Variants in ATXN10 observed in about 807,000 individuals in gnomAD.
ATXN10 encodes ataxin 10, also known as ataxin-10.
In ATXN10, 28 loss-of-function variants were observed where a neutral mutation model predicts 52.9. That is an observed-to-expected ratio of 0.53 (90% CI 0.39 to 0.73). ATXN10 has a LOEUF of 0.73. ATXN10 is among the 30% of genes least tolerant of loss of function. The pLI is 0.00. For missense variants in ATXN10, 565 were observed against 577.0 expected, an observed-to-expected ratio of 0.98 and a Z score of 0.21; for synonymous variants, 226 against 221.5, an observed-to-expected ratio of 1.02 and a Z score of -0.18.
At chr22:45,713,052 T>C (rs1325327814) in intron 5 of ATXN10, among the ~76,000 whole-genome samples, 1 of 152,126 alleles carries the variant, frequency 6.6e-6, no homozygotes, top group African/African-American at 2.4e-5. Flanking sequence ...ATTGTATGCA[T>C]GTATGGATAT....
intron 6 of ATXN10, among the ~76,000 whole-genome samples, chr22:45,719,865 A>G (rs558975221): frequency 4.6e-5 from 7 of 152,272 alleles, no homozygotes; most frequent in African/African-American, 1.4e-4. Flanking sequence ...GTTGTGTCAC[A>G]TACCTGCTTG....
chr22:45,771,185 A>G (rs1926763903), intron 9 of ATXN10, among the ~76,000 whole-genome samples: 1 of 152,242 alleles, frequency 6.6e-6, no homozygotes, highest in African/African-American at 2.4e-5. Flanking sequence ...CCAAAAGCTG[A>G]AAACAACCCA....
At position 45,789,364 on chromosome 22, in the gene ATXN10, A is replaced by G. The variant is rs147730059; in HGVS notation, c.1174-17595A>G. On this transcript the variant is annotated intron_variant, in intron 9 of 11. Transcript: ENST00000252934. The surrounding 1 kb of genome is among the most constrained non-coding windows in gnomAD (Gnocchi z 4.0). ...AGGTGAGCTTTTGCTTCTCACGCGC[A>G]TATATTTTTTTTCCGCAAATCATTG... 2.6e-5 allele frequency among the ~76,000 whole-genome samples: 4 copies of G among 152,268 alleles called. No homozygotes were observed. Among genetic ancestry groups the G allele is most frequent in the Non-Finnish European group, 4.4e-5 (3 of 68,016 alleles).
chr22:45,702,428 T>C (rs1270064152), intron 4 of ATXN10, among the ~76,000 whole-genome samples: 1 of 152,168 alleles, frequency 6.6e-6, no homozygotes, highest in Non-Finnish European at 1.5e-5. Flanking sequence ...CATTCTAATC[T>C]TTTTCTCTAA....
In ATXN10 at chr22:45,819,779, A is replaced by T. The variant is rs1252688098; in HGVS notation, c.1237+12757A>T. The stretch of plus-strand genomic sequence containing the variant: ...CAATTTTTCTTTTTGCATTAGATTA[A>T]TTAAAAACAGCAGTGACTTTTGGAT... On this transcript the variant is annotated intron_variant, in intron 10 of 11. Transcript: ENST00000252934. The surrounding 1 kb of genome is among the most constrained non-coding windows in gnomAD (Gnocchi z 4.5). Among the ~76,000 whole-genome samples the T allele has an allele frequency of 6.6e-6, 1 of 152,216 alleles. No individual in the cohort carries two copies. The highest frequency in any genetic ancestry group is 2.4e-5 in the African/African-American group (1 of 41,442).
rs929926256 is a variant in ATXN10 at position 45,727,933 on chromosome 22, A to T, written c.729-1492A>T. Among the ~76,000 whole-genome samples, 1 of 151,994 alleles carries T rather than the reference A, an allele frequency of 6.6e-6. No homozygotes were observed. Among genetic ancestry groups the T allele is most frequent in the African/African-American group, 2.4e-5 (1 of 41,380 alleles). ...TTGCTTTCGGTTTCCATTTGCATGAAATATCTTTTTCCACCCCCTTTACTT... is the reference window on the plus strand; with the variant it reads ...TTGCTTTCGGTTTCCATTTGCATGATATATCTTTTTCCACCCCCTTTACTT... On this transcript the variant is annotated intron_variant, in intron 6 of 11. Coordinates refer to ENST00000252934, the MANE Select transcript of ATXN10 (RefSeq NM_013236.4). The surrounding 1 kb of genome is among the most constrained non-coding windows in gnomAD (Gnocchi z 4.6).
chr22:45,811,596 A>G, intron 10 of ATXN10: 1 of 408,424 alleles, frequency 2.4e-6, no homozygotes, highest in South Asian at 1.8e-5. Flanking sequence ...AGTAGGGTAT[A>G]CCATACCGCC....
intron 7 of ATXN10, among the ~76,000 whole-genome samples, chr22:45,729,969 G>C (rs1347797728): frequency 6.6e-6 from 1 of 152,128 alleles, no homozygotes; most frequent in African/African-American, 2.4e-5. Context: ...TGTGTCCATA[G>C]TACTATGTAT....
chr22:45,822,194 G>T (rs1399264792), intron 10 of ATXN10, among the ~76,000 whole-genome samples: 1 of 152,158 alleles, frequency 6.6e-6, no homozygotes, highest in Non-Finnish European at 1.5e-5. Context: ...TAACATTTTT[G>T]CATTCTACTG....
At chr22:45,821,136 A>C (rs2146900055) in intron 10 of ATXN10, among the ~76,000 whole-genome samples, 1 of 152,298 alleles carries the variant, frequency 6.6e-6, no homozygotes, top group African/African-American at 2.4e-5. Context: ...GAAAAGTCAA[A>C]ATATTTTCCC....
intron 3 of ATXN10, among the ~76,000 whole-genome samples, chr22:45,695,654 C>T (rs969338702): frequency 1.3e-4 from 19 of 151,874 alleles, no homozygotes; most frequent in African/African-American, 3.9e-4. Flanking sequence ...CCGCCGCACT[C>T]GGCTGATTTT....
intron 9 of ATXN10, among the ~76,000 whole-genome samples, chr22:45,756,077 T>C (rs969293068): frequency 6.6e-6 from 1 of 152,206 alleles, no homozygotes; most frequent in Non-Finnish European, 1.5e-5. Context: ...CCACTGGGCA[T>C]GCCATTAGCC....
intron 9 of ATXN10, among the ~76,000 whole-genome samples, chr22:45,753,508 C>T (rs896740974): frequency 2.1e-5 from 3 of 145,634 alleles, no homozygotes; most frequent in African/African-American, 5.0e-5. Flanking sequence ...CGGGATTAAG[C>T]GATTCTCTTG....
rs1928970522 is a variant in ATXN10 at position 45,830,885 on chromosome 22, G to A, written c.1238-12106G>A. ...GGGTATATACCCGAAAGAATTGAGAGTAGTGTCTCAAAGAAGTATTTGTAC... is the reference window on the plus strand; with the variant it reads ...GGGTATATACCCGAAAGAATTGAGAATAGTGTCTCAAAGAAGTATTTGTAC... On this transcript the variant is annotated intron_variant, in intron 10 of 11. Transcript: ENST00000252934. 2.0e-5 allele frequency among the ~76,000 whole-genome samples: 3 copies of A among 152,194 alleles called. No homozygotes were observed. The South Asian group carries it at 6.2e-4, about 31-fold the overall frequency.
Position 45,729,921 on chromosome 22 carries a change from C to T in ATXN10, c.894+331C>T, listed in dbSNP as rs1053816030. ...TGTTTGCAGGTTCCCATTTTTTCTT[C>T]GGAATGTAAGCTCTAGGAGGGCAGA... On this transcript the variant is annotated intron_variant, in intron 7 of 11. Coordinates refer to ENST00000252934, the MANE Select transcript of ATXN10 (RefSeq NM_013236.4). 3.9e-5 allele frequency among the ~76,000 whole-genome samples: 6 copies of T among 151,956 alleles called. No homozygotes were observed. In the South Asian group the frequency reaches 6.2e-4, roughly 16 times the overall value.
intron 9 of ATXN10, among the ~76,000 whole-genome samples, chr22:45,751,333 T>C (rs1174788892): frequency 1.3e-5 from 2 of 152,180 alleles, no homozygotes; most frequent in Non-Finnish European, 2.9e-5. Flanking sequence ...AGTTGAAAGA[T>C]TTTTAAAAGT....
At chr22:45,692,049 G>C (rs567594259) in intron 2 of ATXN10, among the ~76,000 whole-genome samples, 2 of 152,326 alleles carry the variant, frequency 1.3e-5, no homozygotes, top group East Asian at 3.9e-4. Flanking sequence ...TTCCAAACAG[G>C]CTGGTTATGG....
At chr22:45,768,902 G>A (rs1437617254) in intron 9 of ATXN10, among the ~76,000 whole-genome samples, 1 of 152,124 alleles carries the variant, frequency 6.6e-6, no homozygotes, top group Admixed American at 6.5e-5. Flanking sequence ...ATCTTTCTAG[G>A]CAAAACAATG....
At chr22:45,839,797 A>C (rs1023470) in intron 10 of ATXN10, among the ~76,000 whole-genome samples, 1 of 152,038 alleles carries the variant, frequency 6.6e-6, no homozygotes, top group Admixed American at 6.5e-5. Context: ...CCTGGGTTGC[A>C]TTTATATCGG....
Sources: gnomAD v4.1 joint callset for allele counts (sites outside exome capture counted in the v4.1 genomes callset) on GRCh38, gnomAD v4.1.1 for gene constraint, Gnocchi (gnomAD v3.1) non-coding constraint, MANE v1.5 for transcripts, NCBI Gene and HGNC (gene_info 2026-07-23, HGNC 2026-07-21) for gene names.